Variants in ASTN1 observed in about 807,000 individuals in gnomAD.
The protein encoded by ASTN1 is astrotactin 1.
Under a neutral mutation model 140.7 loss-of-function variants are expected in ASTN1, and 41 were observed. The ratio of observed to expected loss-of-function variants is 0.29; its 90% CI spans 0.23 to 0.38. The LOEUF (loss-of-function observed/expected upper bound fraction) is 0.38, where lower values mean the gene tolerates loss of function less well. ASTN1 is among the 10% of genes least tolerant of loss of function. The pLI is 1.00. For synonymous variants in ASTN1, 640 were observed against 652.2 expected (o/e 0.98, Z 0.29); for missense variants, 1,479 against 1,678.8 (o/e 0.88, Z 2.08).
In ASTN1 at chr1:177,032,504, C is replaced by T. The variant is rs750217502; in HGVS notation, c.817G>A (p.Asp273Asn). The change falls in exon 3 of 23, where the codon GAC (aspartate) becomes AAC (asparagine). Residue 273 changes from aspartate (D) to asparagine (N), a missense_variant. Asp to Asn is a conservative substitution (Grantham distance 23, BLOSUM62 1). Coordinates refer to ENST00000361833, the MANE Select transcript of ASTN1 (RefSeq NM_004319.3). Reference sequence around the variant, plus strand: ...TTTTCATTGCAGCCCTGCAGGGAGTCGAGGGTGCGCGTGACCTGGCTGGCA... The same window carrying T: ...TTTTCATTGCAGCCCTGCAGGGAGTTGAGGGTGCGCGTGACCTGGCTGGCA... ...DFASQVTRTL[D>N]SLQGCNEKSG... 9.3e-6 allele frequency: 15 copies of T among 1,613,952 alleles called. No homozygotes were observed. The highest frequency in any genetic ancestry group is 1.2e-5 in the Non-Finnish European group (14 of 1,180,030).
At chr1:177,163,656 T>G (rs1267094373) in intron 1 of ASTN1, among the ~76,000 whole-genome samples, 1 of 152,182 alleles carries the variant, frequency 6.6e-6, no homozygotes, top group African/African-American at 2.4e-5. Context: ...CCTACGCCTA[T>G]CTAAGGTGGC....
chr1:177,121,773 C>A (rs1252788362), intron 1 of ASTN1, among the ~76,000 whole-genome samples: 4 of 152,034 alleles, frequency 2.6e-5, no homozygotes, highest in Non-Finnish European at 4.4e-5. Flanking sequence ...GAGTATATTC[C>A]CCAGGTCCCT....
At chr1:176,955,005 T>C (rs917115196) in intron 11 of ASTN1, among the ~76,000 whole-genome samples, 1 of 152,216 alleles carries the variant, frequency 6.6e-6, no homozygotes, top group South Asian at 2.1e-4. Flanking sequence ...ATCCCACCTG[T>C]CAGGTTTGAA....
intron 18 of ASTN1, among the ~76,000 whole-genome samples, chr1:176,885,976 C>A (rs530747920): frequency 6.6e-6 from 1 of 152,008 alleles, no homozygotes; most frequent in Admixed American, 6.5e-5. Context: ...ATGGAATAGA[C>A]CCAAAACTGT....
intron 21 of ASTN1, among the ~76,000 whole-genome samples, chr1:176,869,397 T>C (rs1668252148): frequency 6.6e-6 from 1 of 152,116 alleles, no homozygotes; most frequent in Non-Finnish European, 1.5e-5. Flanking sequence ...CTCTCTAAGG[T>C]CTGTTTCAGT....
chr1:177,143,886 A>G (rs1682585287), intron 1 of ASTN1, among the ~76,000 whole-genome samples: 2 of 152,182 alleles, frequency 1.3e-5, no homozygotes, highest in African/African-American at 2.4e-5. Context: ...CAAAATGACA[A>G]TTAGGAGAAG....
chr1:176,993,624 C>T lies in ASTN1; in HGVS notation c.1523+21167G>A, dbSNP rs184974149. ...CTAATAGACACTTGAGTCACCTAAT[C>T]AATGTCAGTGGAGACTCTATTAGCT... On this transcript the variant is annotated intron_variant, in intron 8 of 22. Transcript: ENST00000361833. Among the ~76,000 whole-genome samples, 310 of 152,300 alleles carry T rather than the reference C, an allele frequency of 2.0e-3. 3 individuals carry two copies. The highest frequency in any genetic ancestry group is 6.9e-3 in the African/African-American group (286 of 41,552).
chr1:177,022,142 A>G (rs751102141), intron 7 of ASTN1, among the ~76,000 whole-genome samples: 8 of 152,208 alleles, frequency 5.3e-5, no homozygotes, highest in Non-Finnish European at 1.0e-4. Context: ...AGAGGGATCT[A>G]GTCATAGATT....
intron 1 of ASTN1, among the ~76,000 whole-genome samples, chr1:177,146,907 A>G (rs1349460699): frequency 6.6e-6 from 1 of 152,202 alleles, no homozygotes; most frequent in Non-Finnish European, 1.5e-5. Flanking sequence ...AGCTTGCAGC[A>G]AAAGTGCTTT....
At chr1:176,994,162 C>T (rs1674328312) in intron 8 of ASTN1, among the ~76,000 whole-genome samples, 1 of 139,796 alleles carries the variant, frequency 7.2e-6, no homozygotes, top group South Asian at 2.5e-4. Flanking sequence ...CAGGTAAATT[C>T]CTCTCCCTTC....
chr1:176,868,153 C>A (rs1378617496), intron 22 of ASTN1, among the ~76,000 whole-genome samples: 1 of 152,064 alleles, frequency 6.6e-6, no homozygotes, highest in Non-Finnish European at 1.5e-5. Context: ...TCAGTCTTTC[C>A]AGGGAAGTCT....
intron 1 of ASTN1, among the ~76,000 whole-genome samples, chr1:177,114,453 T>G (rs1680979373): frequency 6.6e-6 from 1 of 152,102 alleles, no homozygotes; most frequent in Admixed American, 6.5e-5. Context: ...AATTAAATTG[T>G]TACAATTTTA....
chr1:176,985,693 C>A (rs578064161), intron 8 of ASTN1, among the ~76,000 whole-genome samples: 95 of 152,240 alleles, frequency 6.2e-4, no homozygotes, highest in African/African-American at 2.3e-3. Flanking sequence ...ATGCTAAAAG[C>A]CCCTCTACCT....
intron 14 of ASTN1, among the ~76,000 whole-genome samples, chr1:176,942,859 T>TAC (rs1671794681): frequency 9.6e-6 from 1 of 104,140 alleles, no homozygotes; most frequent in Non-Finnish European, 2.0e-5. Context: ...TATATATATA[T>TAC]ATATATAGAT....
chr1:177,108,820 G>C (rs1359807187), intron 1 of ASTN1, among the ~76,000 whole-genome samples: 1 of 152,110 alleles, frequency 6.6e-6, no homozygotes, highest in South Asian at 2.1e-4. Flanking sequence ...CACATATAAG[G>C]CTCCCAAGCT....
intron 8 of ASTN1, among the ~76,000 whole-genome samples, chr1:176,985,643 TCGCTG>T (rs1393129120): frequency 6.6e-6 from 1 of 151,992 alleles, no homozygotes; most frequent in Non-Finnish European, 1.5e-5. Flanking sequence ...TGCAGATCCC[TCGCTG>T]CACCTCATTC....
At chr1:176,921,551 G>A (rs1278792319) in intron 16 of ASTN1, among the ~76,000 whole-genome samples, 1 of 152,206 alleles carries the variant, frequency 6.6e-6, no homozygotes, top group East Asian at 1.9e-4. Context: ...AAAGACTATT[G>A]TTGACTCCTA....
At position 177,030,786 on chromosome 1, in the gene ASTN1, C is replaced by G. The variant is rs991163955; in HGVS notation, c.1012+20G>C. The stretch of plus-strand genomic sequence containing the variant: ...ATATGAAGGAATCCACCCACGAGCC[C>G]TAATGTCAGACATGCATACCTCTTG... On this transcript the variant is annotated intron_variant, in intron 4 of 22. Coordinates refer to ENST00000361833, the MANE Select transcript of ASTN1 (RefSeq NM_004319.3). 1.9e-6 allele frequency: 3 copies of G among 1,613,838 alleles called. No homozygotes were observed. The highest frequency in any genetic ancestry group is 2.5e-6 in the Non-Finnish European group (3 of 1,179,786).
At position 176,864,192 on chromosome 1, in the gene ASTN1, CATTAAAAAAT is replaced by C; in HGVS notation, c.*82_*91del. 1 of 1,518,504 alleles carries C rather than the reference CATTAAAAAAT, an allele frequency of 6.6e-7. No individual in the cohort carries two copies. The highest frequency in any genetic ancestry group is 8.8e-7 in the Non-Finnish European group (1 of 1,140,484). The allele number at this position is 1,518,504 out of a possible 1,614,324, so 94.1% of individuals were successfully genotyped here. On this transcript the variant is annotated 3_prime_UTR_variant, in exon 23 of 23. Transcript: ENST00000361833. The stretch of plus-strand genomic sequence containing the variant: ...TGTTGCTGTGGAGGTTTTCATGTTC[CATTAAAAAAT>C]ATTAAAAATCCACAGACCAACCCAG...
Sources: allele counts gnomAD v4.1 joint callset (sites outside exome capture counted in the v4.1 genomes callset), GRCh38; gene constraint gnomAD v4.1.1; transcripts MANE v1.5; gene names NCBI Gene and HGNC (gene_info 2026-07-23, HGNC 2026-07-21).